BAZ1B: variants seen among roughly 807,000 people sequenced by gnomAD.
The protein encoded by BAZ1B is tyrosine-protein kinase BAZ1B.
A neutral mutation model predicts 153.8 loss-of-function variants in BAZ1B; 22 were observed. The observed-to-expected ratio is 0.14, with a 90% CI of 0.10 to 0.20. The LOEUF (loss-of-function observed/expected upper bound fraction) is 0.20, where lower values mean the gene tolerates loss of function less well. BAZ1B is among the 10% of genes least tolerant of loss of function. BAZ1B has a pLI of 1.00. For synonymous variants in BAZ1B, 676 were observed against 633.4 expected, an observed-to-expected ratio of 1.07 and a Z score of -1.01; for missense variants, 1,325 against 1,799.3, an observed-to-expected ratio of 0.74 and a Z score of 4.77.
chr7:73,522,071 C>T lies in BAZ1B; in HGVS notation c.-138G>A. 1.9e-6 allele frequency: 1 copy of T among 537,190 alleles called. No homozygotes were observed. The highest frequency in any genetic ancestry group is 2.8e-6 in the Non-Finnish European group (1 of 354,126). 33.3% of individuals were successfully genotyped at this position (537,190 alleles called of 1,614,324 possible). ...AGGGGTGAGAGGGCGGCGCGAACTC[C>T]GGCTCCCTCACCGCCGGCGCGGCCG... is the stretch of plus-strand genomic sequence containing the variant. On this transcript the variant is annotated 5_prime_UTR_variant, in exon 1 of 20. Transcript: ENST00000339594.
At chr7:73,486,378 G>A (rs1448310447) in intron 6 of BAZ1B, among the ~76,000 whole-genome samples, 7 of 152,094 alleles carry the variant, frequency 4.6e-5, no homozygotes, top group African/African-American at 1.7e-4. Context: ...CCAGGCTGGA[G>A]TGCAGTGGCG....
In BAZ1B at chr7:73,508,459, C is replaced by T; in HGVS notation, c.237G>A (p.Glu79=). ...CAAGCTTCTCATACCAGGCAGGAAACTCCTCCTTCAAACTAAATAAATGTA... is the reference window on the plus strand; with the variant it reads ...CAAGCTTCTCATACCAGGCAGGAAATTCCTCCTTCAAACTAAATAAATGTA... The part of the protein sequence containing the change: ...EQEVAELLKE[E]FPAWYEKLVL... Residue 79 remains glutamate, a synonymous_variant, in exon 3 of 20, where the codon GAG becomes GAA. Transcript: ENST00000339594. 6.2e-7 allele frequency: 1 copy of T among 1,610,768 alleles called. No individual in the cohort carries two copies. The highest frequency in any genetic ancestry group is 1.3e-5 in the African/African-American group (1 of 74,978).
At chr7:73,493,488 T>C (rs1789738197) in intron 4 of BAZ1B, among the ~76,000 whole-genome samples, 1 of 151,114 alleles carries the variant, frequency 6.6e-6, no homozygotes, top group African/African-American at 2.4e-5. Context: ...AAAAATACTA[T>C]GAGAATACAG....
intron 1 of BAZ1B, among the ~76,000 whole-genome samples, chr7:73,521,255 C>A (rs1340708075): frequency 6.6e-6 from 1 of 152,036 alleles, no homozygotes; most frequent in African/African-American, 2.4e-5. Flanking sequence ...TCCTAGTTTT[C>A]TGCCCCAGGG....
intron 17 of BAZ1B, among the ~76,000 whole-genome samples, chr7:73,443,708 A>G (rs1427263697): frequency 2.6e-5 from 4 of 152,196 alleles, no homozygotes; most frequent in Admixed American, 6.5e-5. Flanking sequence ...CACTGGAGAC[A>G]CATGGATACT....
chr7:73,476,770 T>G lies in BAZ1B; in HGVS notation c.2593+98A>C, dbSNP rs746082890. 1.1e-4 allele frequency: 160 copies of G among 1,506,722 alleles called. 1 individual carries two copies. The highest frequency in any genetic ancestry group is 1.3e-4 in the Non-Finnish European group (148 of 1,133,114). 93.3% of individuals were successfully genotyped at this position (1,506,722 alleles called of 1,614,324 possible). A position where few individuals can be genotyped will look rare whatever the true frequency, so the allele number is the denominator to read the frequency against. On this transcript the variant is annotated intron_variant, in intron 7 of 19. Coordinates refer to ENST00000339594, the MANE Select transcript of BAZ1B (RefSeq NM_032408.4). Reference sequence around the variant, plus strand: ...GGTGCTGGGTTATTACATACAGAAATAAGTAAACAAACAGAGACCCTACCA... The same window carrying G: ...GGTGCTGGGTTATTACATACAGAAAGAAGTAAACAAACAGAGACCCTACCA...
chr7:73,443,894 C>T (rs1416680532), intron 17 of BAZ1B, 90 bp downstream of exon 17: 2 of 1,589,854 alleles, frequency 1.3e-6, no homozygotes, highest in African/African-American at 2.7e-5. Context: ...GGGAGGCTCC[C>T]CTCCCACCTG....
chr7:73,481,456 G>C (rs2116351170), intron 6 of BAZ1B, among the ~76,000 whole-genome samples: 1 of 149,386 alleles, frequency 6.7e-6, no homozygotes, highest in South Asian at 2.1e-4. Flanking sequence ...GGTGGAGCTA[G>C]CAGCGAGCCG....
intron 1 of BAZ1B, among the ~76,000 whole-genome samples, chr7:73,521,345 G>C (rs1344861022): frequency 6.6e-6 from 1 of 152,194 alleles, no homozygotes; most frequent in Non-Finnish European, 1.5e-5. Context: ...ATCGGGGTAA[G>C]ACGCAGTTGA....
chr7:73,522,227 C>A lies in BAZ1B; in HGVS notation c.-294G>T. On this transcript the variant is annotated 5_prime_UTR_variant, in exon 1 of 20. Coordinates refer to ENST00000339594, the MANE Select transcript of BAZ1B (RefSeq NM_032408.4). ...AGTCACGACTCCTCCTCAGCAGCAC[C>A]GGAGGAAATTATTGAAAAATGGCGG... 2.6e-6 allele frequency: 1 copy of A among 385,350 alleles called. No homozygotes were observed. The highest frequency in any genetic ancestry group is 4.6e-6 in the Non-Finnish European group (1 of 217,428). 23.9% of individuals were successfully genotyped at this position (385,350 alleles called of 1,614,324 possible).
At position 73,492,784 on chromosome 7, in the gene BAZ1B, T is replaced by G. The variant is rs760990573; in HGVS notation, c.693+16A>C. The G allele has an allele frequency of 2.5e-6, 4 of 1,583,710 alleles. No individual in the cohort carries two copies. Among genetic ancestry groups the G allele is most frequent in the Non-Finnish European group, 3.4e-6 (4 of 1,168,424 alleles). ...AAGAACATCTATCACATGTAAAAAG[T>G]AAAGTGTCAACTAACCTTATCTTCA... On this transcript the variant is annotated intron_variant, in intron 5 of 19. Coordinates refer to ENST00000339594, the MANE Select transcript of BAZ1B (RefSeq NM_032408.4).
chr7:73,497,927 G>A (rs77557126), intron 4 of BAZ1B, among the ~76,000 whole-genome samples: 4,720 of 151,582 alleles, frequency 0.031, 148 homozygotes, highest in Non-Finnish European at 0.037. Flanking sequence ...AGCTAGCAAT[G>A]TGCACACAGC....
intron 4 of BAZ1B, among the ~76,000 whole-genome samples, chr7:73,493,839 CAAAA>C (rs142781016): frequency 6.9e-5 from 4 of 58,292 alleles, no homozygotes; most frequent in Non-Finnish European, 3.6e-5. Flanking sequence ...ACCCTGTCTC[CAAAA>C]AAAAAAAAAA....
chr7:73,448,953 G>C (rs1787933979), intron 15 of BAZ1B, among the ~76,000 whole-genome samples: 1 of 152,164 alleles, frequency 6.6e-6, no homozygotes, highest in African/African-American at 2.4e-5. Context: ...CGTGATATAA[G>C]AAAGAGGAGT....
intron 7 of BAZ1B, among the ~76,000 whole-genome samples, chr7:73,475,161 A>C (rs1788950661): frequency 6.6e-6 from 1 of 152,256 alleles, no homozygotes; most frequent in Non-Finnish European, 1.5e-5. Flanking sequence ...TTTGGAAAAC[A>C]GTCTGGCAGT....
chr7:73,469,780 C>T, intron 8 of BAZ1B, 130 bp from the exon 9 acceptor site: 1 of 1,075,746 alleles, frequency 9.3e-7, no homozygotes, highest in Non-Finnish European at 1.4e-6. Flanking sequence ...TCTTCCTCTT[C>T]AGAACTCTAG....
intron 1 of BAZ1B, among the ~76,000 whole-genome samples, chr7:73,520,887 C>T (rs1194945144): frequency 6.6e-6 from 1 of 152,138 alleles, no homozygotes; most frequent in Admixed American, 6.6e-5. Flanking sequence ...CAAAGAAATG[C>T]TTGATTCCGA....
intron 4 of BAZ1B, among the ~76,000 whole-genome samples, chr7:73,493,859 G>A (rs868925175): frequency 2.0e-5 from 3 of 148,102 alleles, no homozygotes; most frequent in South Asian, 2.1e-4. Flanking sequence ...AAAAAAAAGA[G>A]AGAGAGAGAG....
At chr7:73,519,950 T>C (rs1393060972) in intron 1 of BAZ1B, among the ~76,000 whole-genome samples, 1 of 133,140 alleles carries the variant, frequency 7.5e-6, no homozygotes, top group Non-Finnish European at 1.7e-5. Context: ...CTCACGCCTG[T>C]TAATCCCAGT....
Sources: allele counts gnomAD v4.1 joint callset (sites outside exome capture counted in the v4.1 genomes callset), GRCh38; gene constraint gnomAD v4.1.1; transcripts MANE v1.5; gene names NCBI Gene and HGNC (gene_info 2026-07-23, HGNC 2026-07-21).